The following PREP variants were observed in gnomAD, a reference collection of about 807,000 sequenced individuals.
PREP encodes dJ355L5.1 (prolyl endopeptidase).
Under a neutral mutation model 87.6 loss-of-function variants are expected in PREP, and 29 were observed. The ratio of observed to expected loss-of-function variants is 0.33; its 90% CI spans 0.25 to 0.45. PREP has a LOEUF of 0.45. PREP is among the 20% of genes least tolerant of loss of function. The probability of loss-of-function intolerance (pLI) is 1.00; values close to 1 mark genes in which losing one functional copy is unlikely to be tolerated. For missense variants in PREP, 695 were observed against 886.5 expected (o/e 0.78, Z 2.74); for synonymous variants, 337 against 328.6 (o/e 1.03, Z -0.28).
Position 105,276,306 on chromosome 6 carries a change from T to C in PREP, c.*1838A>G, listed in dbSNP as rs1323581952. Among the ~76,000 whole-genome samples, 1 of 152,240 alleles carries C rather than the reference T, an allele frequency of 6.6e-6. No homozygotes were observed. The highest frequency in any genetic ancestry group is 2.1e-4 in the South Asian group (1 of 4,830). ...CCTCCTCATCAGTTGCTAAGTGACA[T>C]TTGGGATTTGAACCCAGTCCTGATA... On this transcript the variant is annotated 3_prime_UTR_variant, in exon 15 of 15. Transcript: ENST00000652536.
rs537886151 is a variant in PREP, at chr6:105,348,311, C to T, written c.823+4661G>A. 1.7e-4 allele frequency among the ~76,000 whole-genome samples: 26 copies of T among 152,222 alleles called. No individual in the cohort carries two copies. The East Asian group carries it at 1.7e-3, about 10-fold the overall frequency. On this transcript the variant is annotated intron_variant, in intron 7 of 14. Transcript: ENST00000652536. ...TTCAAAATGCTCAGAAGGCAGTAAC[C>T]GTTACAGAGGGAGGGGGGCTTATCA...
intron 2 of PREP, among the ~76,000 whole-genome samples, chr6:105,383,253 TAAA>T (rs35025983): frequency 1.5e-4 from 21 of 137,764 alleles, no homozygotes; most frequent in East Asian, 2.1e-4. Flanking sequence ...TCTCTACCAT[TAAA>T]AAAAAAAAAA....
intron 10 of PREP, among the ~76,000 whole-genome samples, chr6:105,297,429 CA>C (rs1770432654): frequency 6.6e-6 from 1 of 152,172 alleles, no homozygotes; most frequent in African/African-American, 2.4e-5. Flanking sequence ...AGACAGTTGC[CA>C]AAGCTTAAAT....
intron 2 of PREP, among the ~76,000 whole-genome samples, chr6:105,394,395 AGAT>A (rs759840532): frequency 2.6e-5 from 4 of 152,214 alleles, no homozygotes; most frequent in Non-Finnish European, 5.9e-5. Flanking sequence ...AATTGATTGT[AGAT>A]GATATGATTA....
At chr6:105,388,765 G>A (rs1583103836) in intron 2 of PREP, among the ~76,000 whole-genome samples, 1 of 152,212 alleles carries the variant, frequency 6.6e-6, no homozygotes, top group Non-Finnish European at 1.5e-5. Flanking sequence ...GTCTACTACA[G>A]CAGGGATACA....
intron 7 of PREP, among the ~76,000 whole-genome samples, chr6:105,349,144 G>C (rs997417541): frequency 6.6e-6 from 1 of 152,166 alleles, no homozygotes; most frequent in African/African-American, 2.4e-5. Context: ...TTCAGAAAAG[G>C]TAAGAAGGAG....
At chr6:105,297,958 T>C (rs556039029) in intron 10 of PREP, among the ~76,000 whole-genome samples, 5 of 152,220 alleles carry the variant, frequency 3.3e-5, no homozygotes, top group Non-Finnish European at 5.9e-5. Context: ...GAAGCCTTCA[T>C]GAGGGACACA....
intron 5 of PREP, among the ~76,000 whole-genome samples, chr6:105,369,465 A>T (rs1375239727): frequency 1.3e-5 from 2 of 152,258 alleles, no homozygotes; most frequent in Non-Finnish European, 2.9e-5. Context: ...ACTGATTCTA[A>T]AGTTCACATG....
intron 10 of PREP, among the ~76,000 whole-genome samples, chr6:105,305,738 C>G (rs1770640793): frequency 6.6e-6 from 1 of 152,086 alleles, no homozygotes; most frequent in South Asian, 2.1e-4. Context: ...CCCAGACATG[C>G]CTCCCACCAC....
chr6:105,384,696 T>A (rs2114722357), intron 2 of PREP, among the ~76,000 whole-genome samples: 1 of 152,330 alleles, frequency 6.6e-6, no homozygotes, highest in South Asian at 2.1e-4. Flanking sequence ...GAATCCTTTT[T>A]TAGGGACAGA....
intron 10 of PREP, among the ~76,000 whole-genome samples, chr6:105,289,496 C>T (rs1179630452): frequency 1.3e-5 from 2 of 152,116 alleles, no homozygotes; most frequent in African/African-American, 4.8e-5. Context: ...TCCTATTATT[C>T]CTGGTTAAAC....
chr6:105,363,896 C>G (rs76816581), intron 6 of PREP, among the ~76,000 whole-genome samples: 1 of 152,062 alleles, frequency 6.6e-6, no homozygotes, highest in Non-Finnish European at 1.5e-5. Context: ...CATCAGGGAA[C>G]AGCAAAGTAC....
At chr6:105,371,608 CT>C (rs925011857) in intron 5 of PREP, among the ~76,000 whole-genome samples, 1 of 146,840 alleles carries the variant, frequency 6.8e-6, no homozygotes, top group African/African-American at 2.5e-5. Context: ...GGCTGAACTT[CT>C]TTTTTTCATT....
At chr6:105,397,496 G>GA (rs1329344346) in intron 2 of PREP, among the ~76,000 whole-genome samples, 1 of 151,886 alleles carries the variant, frequency 6.6e-6, no homozygotes, top group Admixed American at 6.6e-5. Flanking sequence ...CTTTTCTTTG[G>GA]AAAAAAATAT....
chr6:105,276,021 TAAGA>T lies in PREP; in HGVS notation c.*2119_*2122del, dbSNP rs753499354. ...CAAAATAGCTAGAAGAGAGTAATCA[TAAGA>T]AAGAGCCAAAGGGCAGAGCACAGGA... On this transcript the variant is annotated 3_prime_UTR_variant, in exon 15 of 15. Coordinates refer to ENST00000652536, the MANE Select transcript of PREP (RefSeq NM_002726.5). 1.3e-5 allele frequency among the ~76,000 whole-genome samples: 2 copies of T among 152,132 alleles called. No individual in the cohort carries two copies. The highest frequency in any genetic ancestry group is 4.8e-5 in the African/African-American group (2 of 41,430).
intron 5 of PREP, among the ~76,000 whole-genome samples, chr6:105,371,645 C>A (rs938343653): frequency 6.6e-6 from 1 of 151,108 alleles, no homozygotes; most frequent in Admixed American, 6.6e-5. Flanking sequence ...GCTTTCAGGG[C>A]AAGGGAGGGA....
At chr6:105,299,876 T>A (rs548727252) in intron 10 of PREP, among the ~76,000 whole-genome samples, 1 of 151,842 alleles carries the variant, frequency 6.6e-6, no homozygotes, top group Admixed American at 6.6e-5. Context: ...CTGCCAGAGA[T>A]GCTATCCCTT....
At chr6:105,358,079 T>C (rs1417539592) in intron 6 of PREP, among the ~76,000 whole-genome samples, 1 of 152,084 alleles carries the variant, frequency 6.6e-6, no homozygotes, top group African/African-American at 2.4e-5. Flanking sequence ...AATTCCTAAA[T>C]TTGTGCTTTC....
Position 105,323,743 on chromosome 6 carries a change from G to A in PREP, c.1239C>T (p.Thr413=). The A allele has an allele frequency of 6.2e-7, 1 of 1,613,312 alleles. No individual in the cohort carries two copies. The highest frequency in any genetic ancestry group is 1.1e-5 in the South Asian group (1 of 91,066). ...AAACTCTTGGCTCCAGCTCCTCTTTGGTAAGATCACAGTGATAAATGATAC... is the reference window on the plus strand; with the variant it reads ...AAACTCTTGGCTCCAGCTCCTCTTTAGTAAGATCACAGTGATAAATGATAC... ...SPGIIYHCDL[T]KEELEPRVFR... The change falls in exon 10 of 15, where the codon ACC becomes ACT. Residue 413 remains threonine, a synonymous_variant. Coordinates refer to ENST00000652536, the MANE Select transcript of PREP (RefSeq NM_002726.5).
Sources: allele counts gnomAD v4.1 joint callset (sites outside exome capture counted in the v4.1 genomes callset), GRCh38; gene constraint gnomAD v4.1.1; transcripts MANE v1.5; gene names NCBI Gene and HGNC (gene_info 2026-07-23, HGNC 2026-07-21).